MNDA: variants seen among roughly 807,000 people sequenced by gnomAD.
MNDA encodes epididymis secretory sperm binding protein.
MNDA carries 43 observed loss-of-function variants against 37.8 expected under a neutral mutation model. The observed-to-expected ratio is 1.14, with a 90% CI of 0.89 to 1.47. The LOEUF (loss-of-function observed/expected upper bound fraction) is 1.47, where lower values mean the gene tolerates loss of function less well. Ranked by LOEUF, MNDA falls within the 40% of genes most tolerant of loss-of-function variation. The probability of loss-of-function intolerance (pLI) is 0.00; values close to 1 mark genes in which losing one functional copy is unlikely to be tolerated. For synonymous variants in MNDA, 181 were observed against 169.0 expected, an observed-to-expected ratio of 1.07 and a Z score of -0.55; for missense variants, 536 against 476.0, an observed-to-expected ratio of 1.13 and a Z score of -1.17.
At chr1:158,844,501 A>G (rs1034396888) in intron 4 of MNDA, among the ~76,000 whole-genome samples, 1 of 145,658 alleles carries the variant, frequency 6.9e-6, no homozygotes, top group African/African-American at 2.6e-5. Context: ...AGGCCAGGAC[A>G]CTGTGGAGAG....
intron 1 of MNDA, 143 bp downstream of exon 1, chr1:158,831,700 T>C (rs941576411): frequency 4.6e-5 from 7 of 152,210 alleles, no homozygotes; most frequent in Admixed American, 4.6e-4. Flanking sequence ...GCTTTAACTG[T>C]CTAGGTAGCA....
chr1:158,848,018 C>A (rs532088686), intron 6 of MNDA, 102 bp downstream of exon 6: 38 of 1,071,566 alleles, frequency 3.5e-5, no homozygotes, highest in Non-Finnish European at 4.6e-5. Flanking sequence ...GAGAGTCCAG[C>A]GAGTGGAAGG....
At position 158,845,769 on chromosome 1, in the gene MNDA, C is replaced by T. The variant is rs1307235849; in HGVS notation, c.753C>T (p.Val251=). 1 of 1,614,088 alleles carries T rather than the reference C, an allele frequency of 6.2e-7. No individual in the cohort carries two copies. The highest frequency in any genetic ancestry group is 1.1e-5 in the South Asian group (1 of 91,084). ...AGACTCAATATTTCCATGTGAAAGT[C>T]TTCGACATCAACTTGAAAGAGAAAT... is the stretch of plus-strand genomic sequence containing the variant. ...ASKTQYFHVK[V]FDINLKEKFV... is the part of the protein sequence containing the mutation. The change falls in exon 5 of 7, where the codon GTC becomes GTT. Residue 251 remains valine, a synonymous_variant. Transcript: ENST00000368141.
At chr1:158,843,579 A>C (rs768189090) in intron 3 of MNDA, among the ~76,000 whole-genome samples, 164 bp downstream of exon 3, 10 of 152,208 alleles carry the variant, frequency 6.6e-5, no homozygotes, top group Non-Finnish European at 1.5e-4. Flanking sequence ...AATGTAATAA[A>C]AAATTTCTGT....
In MNDA at chr1:158,843,395, G is replaced by A. The variant is rs1430111534; in HGVS notation, c.382G>A (p.Gly128Arg). ...AAACAAACTGACATCGGAAGCAAGA[G>A]GGAGGATTCCTGTAGCTCAGGTAAG... ...ARNKLTSEAR[G>R]RIPVAQKRKT... Residue 128 changes from glycine to arginine, a missense_variant, in exon 3 of 7, where the codon GGG becomes AGG. By Grantham distance (125) the Gly-to-Arg change is moderately radical. Coordinates refer to ENST00000368141, the MANE Select transcript of MNDA (RefSeq NM_002432.3). 8 of 1,610,140 alleles carry A rather than the reference G, an allele frequency of 5.0e-6. No individual in the cohort carries two copies. Among genetic ancestry groups the A allele is most frequent in the Non-Finnish European group, 6.8e-6 (8 of 1,178,206 alleles).
intron 6 of MNDA, among the ~76,000 whole-genome samples, chr1:158,848,839 G>C (rs1017772811): frequency 6.6e-6 from 1 of 151,988 alleles, no homozygotes; most frequent in Non-Finnish European, 1.5e-5. Context: ...CTAAACATGT[G>C]GTAGTTTGAA....
rs144118208 is a variant in MNDA at position 158,843,385 on chromosome 1, G to A, written c.372G>A (p.Ser124=). The change falls in exon 3 of 7, where the codon TCG becomes TCA. Residue 124 remains serine, a synonymous_variant. Transcript: ENST00000368141. The stretch of plus-strand genomic sequence containing the variant: ...CCACCGCAAGAAACAAACTGACATC[G>A]GAAGCAAGAGGGAGGATTCCTGTAG... ...PAPTARNKLT[S]EARGRIPVAQ... is the part of the protein sequence containing the mutation. 5.0e-6 allele frequency: 8 copies of A among 1,610,964 alleles called. No individual in the cohort carries two copies. The highest frequency in any genetic ancestry group is 1.7e-4 in the Middle Eastern group (1 of 6,044).
chr1:158,849,171 T>C lies in MNDA; in HGVS notation c.1177-19T>C, dbSNP rs1227243569. 1 of 1,597,256 alleles carries C rather than the reference T, an allele frequency of 6.3e-7. No individual in the cohort carries two copies. Among genetic ancestry groups the C allele is most frequent in the African/African-American group, 1.3e-5 (1 of 74,486 alleles). On this transcript the variant is annotated intron_variant, in intron 6 of 6. Transcript: ENST00000368141. ...CAATATCTAGGGTCTCATTATGTCT[T>C]TCTTATCTCTCTTTAAAGGTCATCA...
intron 5 of MNDA, among the ~76,000 whole-genome samples, chr1:158,847,243 C>G (rs972880112): frequency 2.6e-5 from 4 of 152,132 alleles, no homozygotes; most frequent in African/African-American, 7.2e-5. Context: ...CCTAAAATCT[C>G]AGAATTCACC....
At chr1:158,846,435 T>C (rs1032758501) in intron 5 of MNDA, among the ~76,000 whole-genome samples, 10 of 152,196 alleles carry the variant, frequency 6.6e-5, no homozygotes, top group African/African-American at 2.4e-4. Context: ...ATAAGTGGAT[T>C]GGCTGGTATG....
intron 4 of MNDA, among the ~76,000 whole-genome samples, chr1:158,845,177 C>G (rs1203731476): frequency 6.6e-6 from 1 of 152,154 alleles, no homozygotes; most frequent in Non-Finnish European, 1.5e-5. Context: ...TGCAGAGTCA[C>G]TCGTGCAGAG....
chr1:158,844,960 T>C (rs1558057698), intron 4 of MNDA, among the ~76,000 whole-genome samples: 1 of 152,200 alleles, frequency 6.6e-6, no homozygotes, highest in Non-Finnish European at 1.5e-5. Context: ...CTACTCTAGA[T>C]TGTTCATGCA....
chr1:158,848,006 CAG>C (rs759516124), intron 6 of MNDA, 90 bp downstream of exon 6: 12 of 1,186,838 alleles, frequency 1.0e-5, no homozygotes, highest in Non-Finnish European at 1.4e-5. Context: ...ATGTATTACT[CAG>C]AGAGTCCAGC....
chr1:158,848,992 G>T (rs1441105099), intron 6 of MNDA, among the ~76,000 whole-genome samples, 198 bp from the exon 7 acceptor site: 1 of 152,106 alleles, frequency 6.6e-6, no homozygotes, highest in Non-Finnish European at 1.5e-5. Context: ...AAGACAAACA[G>T]AGATTAGTTA....
intron 1 of MNDA, among the ~76,000 whole-genome samples, chr1:158,834,805 G>GATGTAGGTAA (rs1437164808): frequency 2.0e-5 from 3 of 152,132 alleles, no homozygotes; most frequent in African/African-American, 7.2e-5. Flanking sequence ...TTTTGTATAT[G>GATGTAGGTAA]ATGTAGGTAA....
Position 158,847,757 on chromosome 1 carries a change from T to C in MNDA, c.1017T>C (p.Tyr339=). ...KKSVHKKNTI[Y]EIQDNTGSMD... is the part of the protein sequence containing the mutation. The stretch of plus-strand genomic sequence containing the variant: ...GCGTACACAAGAAGAACACAATTTA[T>C]GAAATACAGGATAATACAGGATCCA... Residue 339 remains tyrosine (Y), a synonymous_variant, in exon 6 of 7, where the codon TAT becomes TAC. Transcript: ENST00000368141. 6.2e-7 allele frequency: 1 copy of C among 1,612,942 alleles called. No homozygotes were observed. The highest frequency in any genetic ancestry group is 8.5e-7 in the Non-Finnish European group (1 of 1,179,562).
intron 5 of MNDA, 30 bp downstream of exon 5, chr1:158,846,033 C>G: frequency 6.5e-7 from 1 of 1,530,998 alleles, no homozygotes; most frequent in Non-Finnish European, 8.8e-7. Context: ...TTAATTTTCT[C>G]TACCATTACC....
chr1:158,847,499 G>C (rs552337275), intron 5 of MNDA, among the ~76,000 whole-genome samples: 146 of 151,994 alleles, frequency 9.6e-4, no homozygotes, highest in Non-Finnish European at 1.7e-3. Context: ...GAGAAAAAGA[G>C]GGAAATATTT....
At chr1:158,847,517 T>C (rs1659156682) in intron 5 of MNDA, among the ~76,000 whole-genome samples, 1 of 152,036 alleles carries the variant, frequency 6.6e-6, no homozygotes, top group Admixed American at 6.6e-5. Context: ...TTTATTGTTG[T>C]ATAATTGCAG....
Sources: gnomAD v4.1 joint callset for allele counts (sites outside exome capture counted in the v4.1 genomes callset) on GRCh38, gnomAD v4.1.1 for gene constraint, MANE v1.5 for transcripts, NCBI Gene and HGNC (gene_info 2026-07-23, HGNC 2026-07-21) for gene names.